TLN2: variants seen among roughly 807,000 people sequenced by gnomAD.
TLN2 encodes the protein talin-2.
In TLN2, 118 loss-of-function variants were observed where a neutral mutation model predicts 294.7. The ratio of observed to expected loss-of-function variants is 0.40; its 90% CI spans 0.34 to 0.47. The LOEUF is 0.47. Among genes scored for constraint, TLN2 ranks in the 20% least tolerant of loss-of-function variants. The pLI is 0.84. For synonymous variants in TLN2, 1,431 were observed against 1,304.5 expected, an observed-to-expected ratio of 1.10 and a Z score of -2.09; for missense variants, 3,083 against 3,282.2, an observed-to-expected ratio of 0.94 and a Z score of 1.48.
chr15:62,474,308 T>G (rs2037663719), intron 1 of TLN2, among the ~76,000 whole-genome samples: 1 of 152,072 alleles, frequency 6.6e-6, no homozygotes, highest in African/African-American at 2.4e-5. Flanking sequence ...TCAGAGGAAT[T>G]TGTCATCCCT....
chr15:62,657,093 T>C (rs1226787883), intron 8 of TLN2, among the ~76,000 whole-genome samples: 5 of 150,784 alleles, frequency 3.3e-5, no homozygotes, highest in Non-Finnish European at 5.9e-5. Context: ...GAGTGATAGC[T>C]TGGAGTGTCC....
At chr15:62,729,593 A>G (rs1228149580) in intron 28 of TLN2, among the ~76,000 whole-genome samples, 5 of 151,674 alleles carry the variant, frequency 3.3e-5, no homozygotes, top group African/African-American at 4.8e-5. Context: ...ACCTTTTTTC[A>G]TTCTTTTACT....
chr15:62,671,837 T>C (rs1459358586), intron 9 of TLN2, among the ~76,000 whole-genome samples: 2 of 152,222 alleles, frequency 1.3e-5, no homozygotes, highest in South Asian at 2.1e-4. Flanking sequence ...GATGGTATCA[T>C]TGAACATGCT....
chr15:62,719,039 C>G lies in TLN2; in HGVS notation c.2878-728C>G, dbSNP rs111477536. Among the ~76,000 whole-genome samples, 721 of 152,312 alleles carry G rather than the reference C, an allele frequency of 4.7e-3. 4 individuals carry two copies. Among genetic ancestry groups the G allele is most frequent in the African/African-American group, 0.017 (690 of 41,558 alleles). ...CATCAGGCCAGTATGCACTGGGCACCTTTATCCACAACGATGGCCACAGTG... is the reference window on the plus strand; with the variant it reads ...CATCAGGCCAGTATGCACTGGGCACGTTTATCCACAACGATGGCCACAGTG... On this transcript the variant is annotated intron_variant, in intron 24 of 58. Transcript: ENST00000636159.
chr15:62,746,695 CAATATGTG>C (rs2061632469), intron 32 of TLN2, among the ~76,000 whole-genome samples: 1 of 152,148 alleles, frequency 6.6e-6, no homozygotes, highest in Admixed American at 6.5e-5. Flanking sequence ...TGATTAACAG[CAATATGTG>C]CCTATTTTAT....
chr15:62,501,494 A>T (rs2140430227), intron 1 of TLN2, among the ~76,000 whole-genome samples: 1 of 152,324 alleles, frequency 6.6e-6, no homozygotes, highest in South Asian at 2.1e-4. Flanking sequence ...GGCTCTCAGA[A>T]AATGAAGCTT....
intron 48 of TLN2, among the ~76,000 whole-genome samples, chr15:62,798,342 G>A (rs929585605): frequency 1.3e-5 from 2 of 152,066 alleles, no homozygotes; most frequent in African/African-American, 2.4e-5. Context: ...CTGTTCCTTG[G>A]TCCCCTTCCC....
intron 9 of TLN2, among the ~76,000 whole-genome samples, chr15:62,659,537 G>A (rs2053593376): frequency 6.6e-6 from 1 of 152,152 alleles, no homozygotes; most frequent in African/African-American, 2.4e-5. Context: ...TTAAAATTAG[G>A]TCCTGCAGTT....
intron 28 of TLN2, among the ~76,000 whole-genome samples, chr15:62,736,094 T>C (rs927941929): frequency 3.3e-5 from 5 of 152,004 alleles, no homozygotes; most frequent in African/African-American, 1.2e-4. Flanking sequence ...GGGCAGATCA[T>C]GAGGTCAGGA....
intron 1 of TLN2, among the ~76,000 whole-genome samples, chr15:62,453,982 G>C (rs2036312070): frequency 6.6e-6 from 1 of 152,120 alleles, no homozygotes; most frequent in African/African-American, 2.4e-5. Flanking sequence ...CCCACCCCCA[G>C]GTGCCAGTGG....
In TLN2 at chr15:62,689,585, T is replaced by A. The variant is rs187750336; in HGVS notation, c.1113+2789T>A. ...ACATCTGCTAGCAACAAATTGACTT[T>A]GTGTTTTTTTCCTCTGAGAATGTTA... On this transcript the variant is annotated intron_variant, in intron 12 of 58. Coordinates refer to ENST00000636159, the MANE Select transcript of TLN2 (RefSeq NM_015059.3). Among the ~76,000 whole-genome samples, 770 of 152,206 alleles carry A rather than the reference T, an allele frequency of 5.1e-3. 2 individuals are homozygous for A. The highest frequency in any genetic ancestry group is 9.3e-3 in the Non-Finnish European group (634 of 68,008).
At chr15:62,531,651 A>G (rs2041050191) in intron 1 of TLN2, among the ~76,000 whole-genome samples, 1 of 152,246 alleles carries the variant, frequency 6.6e-6, no homozygotes, top group Non-Finnish European at 1.5e-5. Flanking sequence ...CATATACCCC[A>G]TAAATATAGT....
At chr15:62,817,566 C>G (rs143374532) in intron 52 of TLN2, among the ~76,000 whole-genome samples, 134 of 152,276 alleles carry the variant, frequency 8.8e-4, no homozygotes, top group African/African-American at 3.1e-3. Flanking sequence ...ACTGCCGTGT[C>G]TAGGGCTGGT....
chr15:62,559,402 A>C (rs541222733), intron 1 of TLN2, among the ~76,000 whole-genome samples: 1 of 152,170 alleles, frequency 6.6e-6, no homozygotes, highest in South Asian at 2.1e-4. Context: ...TGTTGTCCCC[A>C]ATGTTCAGCT....
At position 62,797,138 on chromosome 15, in the gene TLN2, G is replaced by A; in HGVS notation, c.6051-81G>A. 2.0e-6 allele frequency: 3 copies of A among 1,501,494 alleles called. No homozygotes were observed. The East Asian group carries it at 6.8e-5, about 34-fold the overall frequency. The allele number at this position is 1,501,494 out of a possible 1,614,324, so 93.0% of individuals were successfully genotyped here. A position where few individuals can be genotyped will look rare whatever the true frequency, so the allele number is the denominator to read the frequency against. Reference sequence around the variant, plus strand: ...AAGCCCTTTAACAAAAGCCCCATGTGAGGGATTTCTTTTCTTCTTGAAGTA... The same window carrying A: ...AAGCCCTTTAACAAAAGCCCCATGTAAGGGATTTCTTTTCTTCTTGAAGTA... On this transcript the variant is annotated intron_variant, in intron 47 of 58. Transcript: ENST00000636159.
intron 50 of TLN2, among the ~76,000 whole-genome samples, chr15:62,801,066 A>T (rs1252640967): frequency 6.6e-6 from 1 of 152,204 alleles, no homozygotes; most frequent in African/African-American, 2.4e-5. Context: ...AGATTCCTGG[A>T]AAAAGGGAAA....
At chr15:62,544,074 A>G (rs2041854186) in intron 1 of TLN2, among the ~76,000 whole-genome samples, 1 of 152,178 alleles carries the variant, frequency 6.6e-6, no homozygotes, top group African/African-American at 2.4e-5. Context: ...GAGCTGTAAG[A>G]TAAGTTAGCT....
At chr15:62,438,973 G>C (rs2035420579) in intron 1 of TLN2, among the ~76,000 whole-genome samples, 1 of 152,172 alleles carries the variant, frequency 6.6e-6, no homozygotes, top group Non-Finnish European at 1.5e-5. Context: ...TTGTGATTTA[G>C]ATGTTGCTAT....
chr15:62,743,301 G>A (rs984047902), intron 32 of TLN2, among the ~76,000 whole-genome samples: 2 of 151,692 alleles, frequency 1.3e-5, no homozygotes, highest in African/African-American at 4.8e-5. Flanking sequence ...GGGGACCCAG[G>A]CCTGGACCAA....
Sources: allele counts gnomAD v4.1 joint callset (sites outside exome capture counted in the v4.1 genomes callset), GRCh38; gene constraint gnomAD v4.1.1; transcripts MANE v1.5; gene names NCBI Gene and HGNC (gene_info 2026-07-23, HGNC 2026-07-21).